POM121C: variants seen among roughly 807,000 people sequenced by gnomAD.
POM121C encodes the protein POM121 transmembrane nucleoporin C, also known as nuclear envelope pore membrane protein POM 121C.
In POM121C, 20 loss-of-function variants were observed where a neutral mutation model predicts 66.4. The observed-to-expected ratio is 0.30, with a 90% confidence interval of 0.21 to 0.44. The LOEUF (loss-of-function observed/expected upper bound fraction) is 0.44, where lower values mean the gene tolerates loss of function less well. Ranked by LOEUF, POM121C falls within the 20% of genes least tolerant of loss-of-function variation. The probability of loss-of-function intolerance (pLI) is 1.00; values close to 1 mark genes in which losing one functional copy is unlikely to be tolerated. For missense variants in POM121C, 580 were observed against 1,225.7 expected (o/e 0.47, Z 7.87); for synonymous variants, 286 against 528.0 (o/e 0.54, Z 6.28).
intron 7 of POM121C, among the ~76,000 whole-genome samples, chr7:75,436,050 CAA>C (rs34343428): frequency 5.1e-5 from 7 of 135,938 alleles, no homozygotes; most frequent in Non-Finnish European, 6.4e-5. Flanking sequence ...GACTCCGTCT[CAA>C]AAAAAAAAAA....
At position 75,424,640 on chromosome 7, in the gene POM121C, A is replaced by T; in HGVS notation, c.769-12T>A. On this transcript the variant is annotated splice_polypyrimidine_tract_variant and intron_variant, in intron 10 of 14. Coordinates refer to ENST00000615331, the MANE Select transcript of POM121C (RefSeq NM_001099415.3). ...TGGGGAGGTGGAGGCTACCAAAGAG[A>T]AAAAGAAGAAGTCAGGCCAATCAGA... The T allele has an allele frequency of 6.2e-7, 1 of 1,613,660 alleles. No individual in the cohort carries two copies. Among genetic ancestry groups the T allele is most frequent in the East Asian group, 2.2e-5 (1 of 44,872 alleles).
rs201428395 is a variant in POM121C, at chr7:75,421,977, C to A, written c.2275G>T (p.Val759Leu). 3.7e-6 allele frequency: 6 copies of A among 1,613,750 alleles called. No homozygotes were observed. The African/African-American group carries it at 6.7e-5, about 18-fold the overall frequency. The change falls in exon 13 of 15, where the codon GTG becomes TTG. Residue 759 changes from valine (V) to leucine (L), a missense_variant. By Grantham distance (32) the Val-to-Leu change is conservative. Transcript: ENST00000615331. ...AAGGTAGGCTGGATGGGCGTAGGCA[C>A]GTGCGCAGGCACGATCTTGATCGTG... ...ASTIKIVPAH[V>L]PTPIQPTFGG...
At chr7:75,483,688 T>C (rs1554480490) in intron 1 of POM121C, among the ~76,000 whole-genome samples, 1 of 152,208 alleles carries the variant, frequency 6.6e-6, no homozygotes, top group East Asian at 1.9e-4. Context: ...GCGGCTCAAT[T>C]TCAACAGCCT....
At chr7:75,444,248 GAA>G (rs1194807743) in intron 3 of POM121C, among the ~76,000 whole-genome samples, 3 of 32,766 alleles carry the variant, frequency 9.2e-5, no homozygotes, top group African/African-American at 2.0e-4. Flanking sequence ...GACTTAATTT[GAA>G]AAAAAAAGGG....
At chr7:75,441,789 G>T in intron 3 of POM121C, 142 bp from the exon 4 acceptor site, 2 of 784,072 alleles carry the variant, frequency 2.6e-6, no homozygotes, top group Non-Finnish European at 4.0e-6. Context: ...TGTTTTTATG[G>T]CAACTTTCCC....
chr7:75,444,858 T>TACCA (rs1762925455), intron 3 of POM121C, among the ~76,000 whole-genome samples: 1 of 138,020 alleles, frequency 7.2e-6, no homozygotes, highest in African/African-American at 2.6e-5. Flanking sequence ...GTGCCTGTAG[T>TACCA]ACTACTCAGG....
At chr7:75,431,680 G>A (rs1790188287) in intron 7 of POM121C, among the ~76,000 whole-genome samples, 1 of 151,652 alleles carries the variant, frequency 6.6e-6, no homozygotes, top group South Asian at 2.1e-4. Context: ...GCTGGGCGCA[G>A]TGGCTCATGC....
chr7:75,474,940 G>A, intron 2 of POM121C, 58 bp from the exon 3 acceptor site: 1 of 1,161,574 alleles, frequency 8.6e-7, no homozygotes, highest in Middle Eastern at 2.1e-4. Context: ...TTTCAATGAA[G>A]AATAATATAA....
At chr7:75,425,000 A>C in intron 10 of POM121C, 74 bp downstream of exon 10, 4 of 1,537,894 alleles carry the variant, frequency 2.6e-6, no homozygotes, top group Non-Finnish European at 2.6e-6. Flanking sequence ...AAACAGAAGA[A>C]ACTTGTCCTT....
chr7:75,470,182 G>C (rs1470122482), intron 3 of POM121C, among the ~76,000 whole-genome samples: 1 of 121,356 alleles, frequency 8.2e-6, no homozygotes, highest in Non-Finnish European at 1.7e-5. Context: ...ACAGGCATGA[G>C]CCACCACGCC....
At chr7:75,472,149 G>A (rs2116518085) in intron 3 of POM121C, among the ~76,000 whole-genome samples, 1 of 151,838 alleles carries the variant, frequency 6.6e-6, no homozygotes, top group East Asian at 2.0e-4. Context: ...GCCTCCCAAA[G>A]TGCTGGGATT....
At chr7:75,430,802 C>T (rs117921721) in intron 7 of POM121C, among the ~76,000 whole-genome samples, 2,948 of 152,066 alleles carry the variant, frequency 0.019, 37 homozygotes, top group Non-Finnish European at 0.033. Flanking sequence ...AGAGGCCAGG[C>T]GCGGTGGCTC....
chr7:75,420,844 C>T (rs1194592915), intron 13 of POM121C: 1 of 154,992 alleles, frequency 6.5e-6, no homozygotes, highest in Non-Finnish European at 1.4e-5. Context: ...TAGCTCCTGC[C>T]CTCCTGCCAT....
At chr7:75,468,419 G>A (rs1385906302) in intron 3 of POM121C, among the ~76,000 whole-genome samples, 1 of 144,760 alleles carries the variant, frequency 6.9e-6, no homozygotes, top group Non-Finnish European at 1.5e-5. Flanking sequence ...CCAGGTTCAA[G>A]TGATTCTCCT....
At position 75,419,485 on chromosome 7, in the gene POM121C, G is replaced by A. The variant is rs2533487; in HGVS notation, c.2744-43C>T. The stretch of plus-strand genomic sequence containing the variant: ...GAGAGCTAGCCAGTGAGCAGAGGGC[G>A]GAGGCAGGCGAGGAGCCGGGCAGGA... On this transcript the variant is annotated intron_variant, in intron 13 of 14. Coordinates refer to ENST00000615331, the MANE Select transcript of POM121C (RefSeq NM_001099415.3). 116 of 1,603,102 alleles carry A rather than the reference G, an allele frequency of 7.2e-5. No individual in the cohort carries two copies. The Middle Eastern group carries it at 1.1e-3, about 15-fold the overall frequency.
intron 3 of POM121C, among the ~76,000 whole-genome samples, chr7:75,471,378 T>A (rs1791870186): frequency 6.6e-6 from 1 of 151,862 alleles, no homozygotes; most frequent in South Asian, 2.1e-4. Flanking sequence ...CTGGCTAATT[T>A]TTCTATATTT....
intron 3 of POM121C, chr7:75,442,695 C>T: frequency 5.0e-6 from 7 of 1,395,482 alleles, no homozygotes; most frequent in Non-Finnish European, 5.5e-6. Context: ...TCGCCTGCTC[C>T]AGCCGCCGCA....
chr7:75,478,570 A>G (rs1214438449), intron 1 of POM121C, among the ~76,000 whole-genome samples: 2 of 151,626 alleles, frequency 1.3e-5, no homozygotes, highest in Admixed American at 6.6e-5. Context: ...CAAAAAAATC[A>G]AGACAGGCAA....
chr7:75,467,201 A>G (rs1791685526), intron 3 of POM121C, among the ~76,000 whole-genome samples: 1 of 152,206 alleles, frequency 6.6e-6, no homozygotes, highest in South Asian at 2.1e-4. Context: ...ACGACTGTAG[A>G]GAAAATCAAA....
Sources: gnomAD v4.1 joint callset for allele counts (sites outside exome capture counted in the v4.1 genomes callset) on GRCh38, gnomAD v4.1.1 for gene constraint, MANE v1.5 for transcripts, NCBI Gene and HGNC (gene_info 2026-07-23, HGNC 2026-07-21) for gene names.